ABI2: variants seen among roughly 807,000 people sequenced by gnomAD.
The protein encoded by ABI2 is abelson interactor 2.
In ABI2, 25 loss-of-function variants were observed where a neutral mutation model predicts 59.2. That is an observed-to-expected ratio of 0.42 (90% CI 0.31 to 0.59). The LOEUF is 0.59. Ranked by LOEUF, ABI2 falls within the 20% of genes least tolerant of loss-of-function variation. The pLI, the probability that ABI2 is intolerant of heterozygous loss-of-function variation, is 0.14. For synonymous variants in ABI2, 213 were observed against 235.5 expected (o/e 0.90, Z 0.87); for missense variants, 545 against 681.8 (o/e 0.80, Z 2.23).
At chr2:203,372,643 G>A (rs1467100963) in intron 2 of ABI2, among the ~76,000 whole-genome samples, 2 of 151,742 alleles carry the variant, frequency 1.3e-5, no homozygotes, top group Non-Finnish European at 2.9e-5. Flanking sequence ...GGGGCAGCTG[G>A]CCGGGCAGAG....
At chr2:203,384,552 C>T (rs2096374994) in intron 4 of ABI2, among the ~76,000 whole-genome samples, 1 of 151,954 alleles carries the variant, frequency 6.6e-6, no homozygotes, top group Admixed American at 6.6e-5. Context: ...TCAAGCCATC[C>T]TCTCACCTCG....
rs1418667979 is a variant in ABI2, at chr2:203,367,024, T to G, written c.265T>G (p.Ser89Ala). 6.2e-7 allele frequency: 1 copy of G among 1,613,662 alleles called. No individual in the cohort carries two copies. Among genetic ancestry groups the G allele is most frequent in the South Asian group, 1.1e-5 (1 of 90,922 alleles). Residue 89 changes from serine (S) to alanine (A), a missense_variant, in exon 2 of 12, where the codon TCA becomes GCA. This residue lies in a region of ABI2 where 36 missense variants were observed against 80.0 expected (regional missense o/e 0.45). Transcript: ENST00000261018. Reference protein sequence around the residue: ...QASQLRRMESSINHISQTVDI... With the variant: ...QASQLRRMESAINHISQTVDI... ...ATCCCAGCTACGAAGGATGGAATCT[T>G]CAATCAATCATATTTCACAAGTGAG...
chr2:203,362,314 A>C (rs1241374322), intron 1 of ABI2, among the ~76,000 whole-genome samples: 1 of 152,206 alleles, frequency 6.6e-6, no homozygotes, highest in Non-Finnish European at 1.5e-5. Flanking sequence ...GTTAGATAAA[A>C]TAACCTGTAC....
intron 2 of ABI2, among the ~76,000 whole-genome samples, chr2:203,377,708 C>A (rs1165822277): frequency 6.6e-6 from 1 of 152,174 alleles, no homozygotes; most frequent in Non-Finnish European, 1.5e-5. Context: ...GAGTTCAAGA[C>A]CTGCCTGGGC....
intron 1 of ABI2, among the ~76,000 whole-genome samples, chr2:203,355,940 T>A (rs1013375809): frequency 6.6e-6 from 1 of 151,836 alleles, no homozygotes; most frequent in African/African-American, 2.4e-5. Context: ...TTGGAAATAA[T>A]TTTTTCCCCA....
intron 9 of ABI2, among the ~76,000 whole-genome samples, chr2:203,404,912 G>A (rs879607479): frequency 2.0e-5 from 3 of 152,170 alleles, no homozygotes; most frequent in Admixed American, 6.5e-5. Flanking sequence ...AGTCCTATGA[G>A]AACTCTGTAG....
intron 5 of ABI2, among the ~76,000 whole-genome samples, chr2:203,392,312 C>T (rs73990634): frequency 4.6e-5 from 4 of 87,014 alleles, no homozygotes; most frequent in African/African-American, 1.2e-4. Flanking sequence ...CCACCACCAC[C>T]ACCAACAACA....
At chr2:203,382,594 G>T (rs942114360) in intron 4 of ABI2, among the ~76,000 whole-genome samples, 2 of 152,116 alleles carry the variant, frequency 1.3e-5, no homozygotes, top group Non-Finnish European at 2.9e-5. Flanking sequence ...TTATGAATTG[G>T]AGGGCCAATT....
At chr2:203,421,696 G>A (rs916835635) in intron 11 of ABI2, among the ~76,000 whole-genome samples, 1 of 152,154 alleles carries the variant, frequency 6.6e-6, no homozygotes, top group African/African-American at 2.4e-5. Flanking sequence ...GCCAGGCATG[G>A]TGGCTCACGC....
At chr2:203,338,991 TATATATATATATATATAAAG>T (rs2078235512) in intron 1 of ABI2, among the ~76,000 whole-genome samples, 1 of 42,932 alleles carries the variant, frequency 2.3e-5, no homozygotes, top group African/African-American at 8.2e-5. Context: ...TAAATATATA[TATATATATATATATATAAAG>T]GATTCATACA....
intron 10 of ABI2, among the ~76,000 whole-genome samples, chr2:203,413,466 T>C (rs187198412): frequency 2.0e-5 from 3 of 152,184 alleles, no homozygotes; most frequent in Non-Finnish European, 4.4e-5. Flanking sequence ...CTGCAAAACA[T>C]TATTATAGCA....
chr2:203,384,126 C>T (rs906802971), intron 4 of ABI2, among the ~76,000 whole-genome samples: 6 of 151,992 alleles, frequency 3.9e-5, no homozygotes, highest in African/African-American at 1.5e-4. Context: ...TTTAAGAGTT[C>T]ATAAGATTTT....
intron 9 of ABI2, among the ~76,000 whole-genome samples, chr2:203,411,009 T>C (rs1221381476): frequency 2.6e-5 from 4 of 151,100 alleles, no homozygotes; most frequent in Non-Finnish European, 4.4e-5. Context: ...TTATGTTTTA[T>C]ATATATAAAA....
At chr2:203,424,399 C>T (rs1230843906) in intron 11 of ABI2, among the ~76,000 whole-genome samples, 1 of 151,982 alleles carries the variant, frequency 6.6e-6, no homozygotes, top group African/African-American at 2.4e-5. Context: ...AATGAATATT[C>T]ATTTAAAAAT....
chr2:203,396,669 T>C (rs2097001586), intron 7 of ABI2, 116 bp from the exon 8 acceptor site: 2 of 1,067,950 alleles, frequency 1.9e-6, no homozygotes, highest in Non-Finnish European at 2.4e-6. Context: ...TCAACTCTGT[T>C]CTTTTGGTTA....
At chr2:203,376,110 A>G (rs971228124) in intron 2 of ABI2, 4 of 1,534,494 alleles carry the variant, frequency 2.6e-6, no homozygotes, top group South Asian at 2.4e-5. Context: ...TTTGGAAACA[A>G]TTGCAGTTTG....
chr2:203,418,232 T>G (rs530672357), intron 11 of ABI2, among the ~76,000 whole-genome samples: 20 of 152,368 alleles, frequency 1.3e-4, no homozygotes, highest in Non-Finnish European at 2.5e-4. Context: ...TATTTCCACG[T>G]TTGATGAAAA....
intron 1 of ABI2, among the ~76,000 whole-genome samples, chr2:203,343,369 A>T (rs201742441): frequency 2.0e-5 from 3 of 152,030 alleles, no homozygotes; most frequent in African/African-American, 7.3e-5. Flanking sequence ...CTCAAAAAAC[A>T]TAAAAAAATT....
chr2:203,392,624 C>T (rs985119914), intron 5 of ABI2, among the ~76,000 whole-genome samples: 24 of 152,006 alleles, frequency 1.6e-4, no homozygotes, highest in African/African-American at 4.8e-4. Flanking sequence ...TGCCAGGGGT[C>T]GGGGTAGAGA....
Sources: allele counts gnomAD v4.1 joint callset (sites outside exome capture counted in the v4.1 genomes callset), GRCh38; gene constraint gnomAD v4.1.1; regional missense constraint gnomAD v4.1.1; transcripts MANE v1.5; gene names NCBI Gene and HGNC (gene_info 2026-07-23, HGNC 2026-07-21).